NAV2: variants seen among roughly 807,000 people sequenced by gnomAD.
NAV2 encodes the protein neuron navigator 2.
Under a neutral mutation model 223.2 loss-of-function variants are expected in NAV2, and 54 were observed. The ratio of observed to expected loss-of-function variants is 0.24; its 90% CI spans 0.19 to 0.30. The LOEUF is 0.30. NAV2 is among the 10% of genes least tolerant of loss of function. NAV2 has a pLI of 1.00. For synonymous variants in NAV2, 1,279 were observed against 1,239.3 expected, an observed-to-expected ratio of 1.03 and a Z score of -0.67; for missense variants, 2,806 against 3,147.5, an observed-to-expected ratio of 0.89 and a Z score of 2.60.
At chr11:20,061,864 TA>T (rs1318256300) in intron 19 of NAV2, among the ~76,000 whole-genome samples, 1 of 152,066 alleles carries the variant, frequency 6.6e-6, no homozygotes, top group African/African-American at 2.4e-5. Context: ...GCCAACAGGG[TA>T]AAAAACTGTA....
In NAV2 at chr11:19,504,316, T is replaced by C. The variant is rs561517558; in HGVS notation, c.75+153289T>C. ...ATCCATGTAGTATCTTTTTCAAAGA[T>C]CTCTTTTAGGCTCATGATGGTGACA... On this transcript the variant is annotated intron_variant, in intron 1 of 37. Transcript: ENST00000360655. 2.0e-5 allele frequency: 3 copies of C among 152,312 alleles called. No individual in the cohort carries two copies. In the South Asian group the frequency reaches 6.2e-4, roughly 32 times the overall value. 9.4% of individuals were successfully genotyped at this position (152,312 alleles called of 1,614,324 possible). A position where few individuals can be genotyped will look rare whatever the true frequency, so the allele number is the denominator to read the frequency against.
chr11:19,587,026 C>A (rs1451462815), intron 1 of NAV2, among the ~76,000 whole-genome samples: 1 of 152,204 alleles, frequency 6.6e-6, no homozygotes, highest in East Asian at 1.9e-4. Flanking sequence ...TGGGCTCCAC[C>A]CAGTTCGAGC....
intron 1 of NAV2, among the ~76,000 whole-genome samples, chr11:19,367,761 G>A (rs966669354): frequency 2.0e-5 from 3 of 152,204 alleles, no homozygotes; most frequent in African/African-American, 4.8e-5. Flanking sequence ...TTTAGGGTTT[G>A]TATTTAAGAC....
chr11:19,476,194 C>T (rs1390988763), intron 1 of NAV2, among the ~76,000 whole-genome samples: 1 of 152,070 alleles, frequency 6.6e-6, no homozygotes, highest in African/African-American at 2.4e-5. Flanking sequence ...AGGATGGTCT[C>T]GATCTCTTGA....
chr11:19,415,972 A>T (rs1850349769), intron 1 of NAV2, among the ~76,000 whole-genome samples: 3 of 152,208 alleles, frequency 2.0e-5, no homozygotes, highest in Admixed American at 2.0e-4. Flanking sequence ...TTTATGACAA[A>T]ACCACAACCA....
chr11:19,973,491 G>A (rs769136682), intron 10 of NAV2, among the ~76,000 whole-genome samples: 6 of 152,160 alleles, frequency 3.9e-5, no homozygotes, highest in Admixed American at 2.0e-4. Flanking sequence ...TCCAAAAGAC[G>A]CATGAAGCTT....
At chr11:19,807,655 AACTGCAGGGATATCC>A (rs2058646226) in intron 1 of NAV2, among the ~76,000 whole-genome samples, 1 of 152,134 alleles carries the variant, frequency 6.6e-6, no homozygotes, top group African/African-American at 2.4e-5. Flanking sequence ...CAGCATCCCT[AACTGCAGGGATATCC>A]ACTGCAGGCT....
chr11:19,653,525 G>A (rs1300118687), intron 1 of NAV2, among the ~76,000 whole-genome samples: 1 of 152,200 alleles, frequency 6.6e-6, no homozygotes, highest in Non-Finnish European at 1.5e-5. Flanking sequence ...AGGTGATGCA[G>A]CTTATCCAAA....
chr11:20,028,233 A>C (rs889622975), intron 11 of NAV2, among the ~76,000 whole-genome samples: 3 of 152,146 alleles, frequency 2.0e-5, no homozygotes, highest in Non-Finnish European at 2.9e-5. Flanking sequence ...GGGGTTGTTA[A>C]AATTGTGCTT....
At chr11:19,708,318 A>C (rs2049735201), upstream of NAV2, among the ~76,000 whole-genome samples, 1 of 152,020 alleles carries the variant, frequency 6.6e-6, no homozygotes, top group Non-Finnish European at 1.5e-5. Context: ...ATTTGTAGAA[A>C]ATTAAGGAAA....
intron 1 of NAV2, among the ~76,000 whole-genome samples, chr11:19,469,584 G>C (rs2041898020): frequency 6.6e-6 from 1 of 152,102 alleles, no homozygotes; most frequent in African/African-American, 2.4e-5. Context: ...ATTCCACTGT[G>C]GTCTCTCACC....
At position 19,405,007 on chromosome 11, in the gene NAV2, T is replaced by C. The variant is rs1045040156; in HGVS notation, c.75+53980T>C. ...GTTATACGAGGCAGTGTACAAGGAC[T>C]GTGGACCAAGGACAGAGGCAAAAGG... is the stretch of plus-strand genomic sequence containing the variant. On this transcript the variant is annotated intron_variant, in intron 1 of 37. Transcript: ENST00000360655. Among the ~76,000 whole-genome samples the C allele has an allele frequency of 2.0e-5, 3 of 152,194 alleles. No individual in the cohort carries two copies. In the East Asian group the frequency reaches 5.8e-4, roughly 29 times the overall value.
intron 1 of NAV2, among the ~76,000 whole-genome samples, chr11:19,592,593 T>C (rs2046092366): frequency 6.6e-6 from 1 of 152,172 alleles, no homozygotes; most frequent in South Asian, 2.1e-4. Flanking sequence ...CTTGGGCTTT[T>C]TAATTCCTAG....
At chr11:19,537,692 T>C (rs1340157300) in intron 1 of NAV2, among the ~76,000 whole-genome samples, 1 of 152,236 alleles carries the variant, frequency 6.6e-6, no homozygotes, top group Non-Finnish European at 1.5e-5. Flanking sequence ...ACTTCCAGAC[T>C]GGCTTTCCTT....
intron 36 of NAV2, among the ~76,000 whole-genome samples, chr11:20,108,606 CTT>C (rs5790107): frequency 2.2e-3 from 271 of 121,698 alleles, no homozygotes; most frequent in Non-Finnish European, 3.1e-3. Context: ...CCACACCTGG[CTT>C]TTTTTTTTTT....
intron 5 of NAV2, among the ~76,000 whole-genome samples, chr11:19,886,154 T>G (rs2040951095): frequency 6.6e-6 from 1 of 151,830 alleles, no homozygotes; most frequent in African/African-American, 2.4e-5. Context: ...ATTTTTTTTT[T>G]TTTTTTAAAG....
chr11:19,362,702 T>C (rs1264503342), intron 1 of NAV2, among the ~76,000 whole-genome samples: 1 of 152,240 alleles, frequency 6.6e-6, no homozygotes, highest in Admixed American at 6.5e-5. Context: ...TTCTTGGACA[T>C]GTGACTCTGA....
chr11:19,933,269 G>A lies in NAV2; in HGVS notation c.1025G>A (p.Cys342Tyr). 6.2e-7 allele frequency: 1 copy of A among 1,612,632 alleles called. No individual in the cohort carries two copies. Among genetic ancestry groups the A allele is most frequent in the Non-Finnish European group, 8.5e-7 (1 of 1,179,372 alleles). Reference protein sequence around the residue: ...ESGSSSTPTNCSTSSAIPQPG... With the variant: ...ESGSSSTPTNYSTSSAIPQPG... ...GGCAGCAGCTCCACCCCTACTAATTGCAGTACCTCCTCGGCCATCCCGCAG... is the reference window on the plus strand; with the variant it reads ...GGCAGCAGCTCCACCCCTACTAATTACAGTACCTCCTCGGCCATCCCGCAG... The change falls in exon 7 of 38, where the codon TGC becomes TAC. Residue 342 changes from cysteine (C) to tyrosine (Y), a missense_variant. By Grantham distance (194) the Cys-to-Tyr change is radical. Around this residue, in one of 4 missense-constraint regions of NAV2, gnomAD observed 1,167 missense variants for 1,180.5 expected, o/e 0.99. Transcript: ENST00000349880. The surrounding 1 kb of genome is among the most constrained non-coding windows in gnomAD (Gnocchi z 4.3).
chr11:19,460,410 C>A (rs1371718992), intron 1 of NAV2, among the ~76,000 whole-genome samples: 2 of 152,190 alleles, frequency 1.3e-5, no homozygotes, highest in African/African-American at 2.4e-5. Flanking sequence ...CTTTACCTAA[C>A]AAATAAAGTA....
Sources: allele counts gnomAD v4.1 joint callset (sites outside exome capture counted in the v4.1 genomes callset), GRCh38; gene constraint gnomAD v4.1.1; regional missense constraint gnomAD v4.1.1; non-coding constraint Gnocchi (gnomAD v3.1); transcripts MANE v1.5; gene names NCBI Gene and HGNC (gene_info 2026-07-23, HGNC 2026-07-21).